The following EIF4A3 variants were observed in gnomAD, a reference collection of about 807,000 sequenced individuals.
The protein encoded by EIF4A3 is eukaryotic initiation factor 4A-III.
A neutral mutation model predicts 55.6 loss-of-function variants in EIF4A3; 1 was observed. The observed-to-expected ratio is 0.02, with a 90% CI of 0.01 to 0.09. EIF4A3 has a LOEUF of 0.09. EIF4A3 is among the 10% of genes least tolerant of loss of function. The pLI is 1.00. For synonymous variants in EIF4A3, 194 were observed against 196.3 expected (o/e 0.99, Z 0.10); for missense variants, 221 against 540.7 (o/e 0.41, Z 5.86).
At chr17:80,146,104 C>T (rs1003247950) in intron 1 of EIF4A3, among the ~76,000 whole-genome samples, 1 of 152,188 alleles carries the variant, frequency 6.6e-6, no homozygotes, top group African/African-American at 2.4e-5. Flanking sequence ...TCACCCTACA[C>T]GTCTTTGCTA....
chr17:80,147,086 T>TGTGCCGCTGCCGACCTCGCC lies in EIF4A3; in HGVS notation c.-126_-125insGGCGAGGTCGGCAGCGGCAC. 1 of 1,314,968 alleles carries TGTGCCGCTGCCGACCTCGCC rather than the reference T, an allele frequency of 7.6e-7. No homozygotes were observed. Among genetic ancestry groups the TGTGCCGCTGCCGACCTCGCC allele is most frequent in the Non-Finnish European group, 9.8e-7 (1 of 1,023,644 alleles). The allele number at this position is 1,314,968 out of a possible 1,614,324, so 81.5% of individuals were successfully genotyped here. ...CTCGCTGTGCCGCTGCCGACCTCGC[T>TGTGCCGCTGCCGACCTCGCC]GTGCCGCTGCCGACCTCGCTGTGCC... On this transcript the variant is annotated 5_prime_UTR_variant, in exon 1 of 12. Coordinates refer to ENST00000649764, the MANE Select transcript of EIF4A3 (RefSeq NM_014740.4).
intron 3 of EIF4A3, 97 bp downstream of exon 3, chr17:80,141,685 A>C (rs935117): frequency 0.26 from 332,777 of 1,291,894 alleles, 44,309 homozygotes; most frequent in East Asian, 0.39. Flanking sequence ...CATACTAGAA[A>C]ATTTTAAATT....
Position 80,134,703 on chromosome 17 carries a change from A to G in EIF4A3, c.*787T>C, listed in dbSNP as rs2039555982. Among the ~76,000 whole-genome samples the G allele has an allele frequency of 6.6e-6, 1 of 152,178 alleles. No individual in the cohort carries two copies. The highest frequency in any genetic ancestry group is 6.5e-5 in the Admixed American group (1 of 15,276). On this transcript the variant is annotated 3_prime_UTR_variant, in exon 12 of 12. Transcript: ENST00000649764. ...GCCAGATGTGCTGGCATGCACCTGT[A>G]GTCCCAGCTACTCAGGAGGGTGAGG... is the stretch of plus-strand genomic sequence containing the variant.
At chr17:80,139,369 A>G in intron 6 of EIF4A3, 1 of 701,072 alleles carries the variant, frequency 1.4e-6, no homozygotes. Flanking sequence ...TGGTTGAGGG[A>G]ATCTGGTTTC....
chr17:80,138,737 T>A, intron 7 of EIF4A3: 2 of 398,272 alleles, frequency 5.0e-6, no homozygotes, highest in South Asian at 5.5e-5. Flanking sequence ...GCTGGGACTA[T>A]AGGCATGTGC....
Position 80,139,080 on chromosome 17 carries a change from G to A in EIF4A3, c.669C>T (p.His223=), listed in dbSNP as rs535401553. ...QVVLISATLP[H]EILEMTNKFM... The stretch of plus-strand genomic sequence containing the variant: ...ACTTGTTGGTCATCTCCAGAATCTC[G>A]TGTGGCAGCGTGGCACTGATGAGAA... The change falls in exon 7 of 12, where the codon CAC becomes CAT. Residue 223 remains histidine (H), a synonymous_variant. Transcript: ENST00000649764. The A allele has an allele frequency of 2.4e-5, 38 of 1,614,140 alleles. No individual in the cohort carries two copies. The highest frequency in any genetic ancestry group is 1.3e-4 in the Admixed American group (8 of 60,024).
chr17:80,141,247 A>G (rs1364791318), intron 4 of EIF4A3, 72 bp downstream of exon 4: 2 of 1,453,688 alleles, frequency 1.4e-6, no homozygotes, highest in African/African-American at 2.8e-5. Flanking sequence ...TAAATAAATA[A>G]GTCGGTGTTT....
At chr17:80,144,770 T>C (rs12940486) in intron 1 of EIF4A3, among the ~76,000 whole-genome samples, 85,682 of 152,062 alleles carry the variant, frequency 0.56, 24,267 homozygotes, top group South Asian at 0.64. Context: ...TCTACAACTC[T>C]GTTTAACCTG....
At chr17:80,146,668 G>A (rs2039666227) in intron 1 of EIF4A3, 125 bp downstream of exon 1, 3 of 1,198,294 alleles carry the variant, frequency 2.5e-6, no homozygotes, top group Non-Finnish European at 3.3e-6. Flanking sequence ...ACTGGCCCCC[G>A]AGCCTCGACC....
At position 80,139,990 on chromosome 17, in the gene EIF4A3, A is replaced by T; in HGVS notation, c.505+18T>A. 2 of 1,606,108 alleles carry T rather than the reference A, an allele frequency of 1.2e-6. No individual in the cohort carries two copies. Among genetic ancestry groups the T allele is most frequent in the South Asian group, 1.1e-5 (1 of 90,448 alleles). On this transcript the variant is annotated intron_variant, in intron 5 of 11. Coordinates refer to ENST00000649764, the MANE Select transcript of EIF4A3 (RefSeq NM_014740.4). ...AAATACTACCGGCAGCACCATTTTT[A>T]GCGACAAAAGTGCTTACCAAAAACA...
chr17:80,146,380 G>A (rs1598607516), intron 1 of EIF4A3, among the ~76,000 whole-genome samples: 1 of 152,068 alleles, frequency 6.6e-6, no homozygotes, highest in South Asian at 2.1e-4. Context: ...AGGTTCTTCA[G>A]GTTGCCTGGG....
At chr17:80,140,217 C>T (rs992843738) in intron 4 of EIF4A3, 77 bp from the exon 5 acceptor site, 19 of 1,413,452 alleles carry the variant, frequency 1.3e-5, no homozygotes, top group African/African-American at 4.4e-5. Context: ...GACTGTTTCT[C>T]CTCCGAGATG....
In EIF4A3 at chr17:80,134,669, T is replaced by TA. The variant is rs769153765; in HGVS notation, c.*820dup. Among the ~76,000 whole-genome samples the TA allele has an allele frequency of 6.6e-6, 1 of 151,804 alleles. No homozygotes were observed. Among genetic ancestry groups the TA allele is most frequent in the African/African-American group, 2.4e-5 (1 of 41,310 alleles). On this transcript the variant is annotated 3_prime_UTR_variant, in exon 12 of 12. Coordinates refer to ENST00000649764, the MANE Select transcript of EIF4A3 (RefSeq NM_014740.4). ...TGAGACCCTGTCTCTACAAAAAATT[T>TA]AAATATTAGCCAGATGTGCTGGCAT...
intron 4 of EIF4A3, chr17:80,140,385 C>T: frequency 3.0e-6 from 1 of 332,706 alleles, no homozygotes; most frequent in Non-Finnish European, 5.3e-6. Context: ...GCAATCTTAG[C>T]TCACTGCAAG....
At chr17:80,146,720 C>T in intron 1 of EIF4A3, 73 bp downstream of exon 1, 1 of 1,525,488 alleles carries the variant, frequency 6.6e-7, no homozygotes, top group Admixed American at 2.0e-5. Context: ...CCGGGAGTCA[C>T]CAGTCTGGCC....
At chr17:80,144,380 C>G (rs2039641862) in intron 1 of EIF4A3, 136 bp from the exon 2 acceptor site, 1 of 717,448 alleles carries the variant, frequency 1.4e-6, no homozygotes, top group Non-Finnish European at 2.4e-6. Flanking sequence ...ACATAGCAAG[C>G]TCTCAAAACC....
intron 1 of EIF4A3, among the ~76,000 whole-genome samples, chr17:80,145,578 A>C (rs777479586): frequency 1.3e-5 from 2 of 152,188 alleles, no homozygotes; most frequent in Non-Finnish European, 2.9e-5. Context: ...AAAGGAAGAA[A>C]GAAAAGGAAG....
In EIF4A3 at chr17:80,134,892, C is replaced by G. The variant is rs1232609820; in HGVS notation, c.*598G>C. 6.6e-6 allele frequency among the ~76,000 whole-genome samples: 1 copy of G among 152,034 alleles called. No homozygotes were observed. The highest frequency in any genetic ancestry group is 1.5e-5 in the Non-Finnish European group (1 of 68,022). ...ATGGGCCGGGTGCAGTGGCTCACGC[C>G]TGTAATCCCAGCACTTTGGGAGGCC... On this transcript the variant is annotated 3_prime_UTR_variant, in exon 12 of 12. Transcript: ENST00000649764.
intron 3 of EIF4A3, 184 bp downstream of exon 3, chr17:80,141,598 T>C (rs534925790): frequency 2.7e-4 from 197 of 730,150 alleles, no homozygotes; most frequent in African/African-American, 6.6e-4. Flanking sequence ...TCTAGTTAAA[T>C]AGAAAATCAT....
Sources: gnomAD v4.1 joint callset for allele counts (sites outside exome capture counted in the v4.1 genomes callset) on GRCh38, gnomAD v4.1.1 for gene constraint, MANE v1.5 for transcripts, NCBI Gene and HGNC (gene_info 2026-07-23, HGNC 2026-07-21) for gene names.